APOBEC2: variants seen among roughly 807,000 people sequenced by gnomAD.
APOBEC2 encodes the protein C->U-editing enzyme APOBEC-2.
In APOBEC2, 14 loss-of-function variants were observed where a neutral mutation model predicts 19.4. That is an observed-to-expected ratio of 0.72 (90% CI 0.48 to 1.13). APOBEC2 has a LOEUF of 1.13. Among genes scored for constraint, APOBEC2 ranks in the 50% most tolerant of loss-of-function variants. The pLI is 0.00. For missense variants in APOBEC2, 304 were observed against 277.0 expected, an observed-to-expected ratio of 1.10 and a Z score of -0.69; for synonymous variants, 127 against 112.1, an observed-to-expected ratio of 1.13 and a Z score of -0.84.
In APOBEC2 at chr6:41,061,892, C is replaced by T. The variant is rs749548457; in HGVS notation, c.*21C>T. On this transcript the variant is annotated splice_region_variant and 3_prime_UTR_variant, in exon 2 of 3. Coordinates refer to ENST00000244669, the MANE Select transcript of APOBEC2 (RefSeq NM_006789.4). ...AGTAGGGCAACTGGGCTTTGCCTCA[C>T]GTGAGTTTTCCTGGTGCCATGGCAC... The T allele has an allele frequency of 1.4e-5, 23 of 1,599,680 alleles. No homozygotes were observed. The highest frequency in any genetic ancestry group is 8.9e-5 in the East Asian group (4 of 44,718).
chr6:41,057,995 G>A (rs151278727), intron 1 of APOBEC2, among the ~76,000 whole-genome samples: 1 of 152,288 alleles, frequency 6.6e-6, no homozygotes, highest in African/African-American at 2.4e-5. Context: ...GAGAAAGTAT[G>A]AGGAAATGGT....
At chr6:41,055,307 G>A (rs1479600177) in intron 1 of APOBEC2, among the ~76,000 whole-genome samples, 5 of 152,182 alleles carry the variant, frequency 3.3e-5, no homozygotes, top group Non-Finnish European at 7.4e-5. Flanking sequence ...CACAGAAGGG[G>A]CAACGTTCTG....
Position 41,064,705 on chromosome 6 carries a change from G to C in APOBEC2, c.*626G>C, listed in dbSNP as rs1762937493. The C allele has an allele frequency of 6.6e-6, 1 of 152,164 alleles. No homozygotes were observed. Among genetic ancestry groups the C allele is most frequent in the Non-Finnish European group, 1.5e-5 (1 of 68,042 alleles). 9.4% of individuals were successfully genotyped at this position (152,164 alleles called of 1,614,324 possible). On this transcript the variant is annotated 3_prime_UTR_variant, in exon 3 of 3. Coordinates refer to ENST00000244669, the MANE Select transcript of APOBEC2 (RefSeq NM_006789.4). ...TCAAGTGAGGGCCTTTCCCTTCTCTGAAGGCAAGTAATAGGGCAGAAGGTG... is the reference window on the plus strand; with the variant it reads ...TCAAGTGAGGGCCTTTCCCTTCTCTCAAGGCAAGTAATAGGGCAGAAGGTG...
Position 41,061,409 on chromosome 6 carries a change from C to G in APOBEC2, c.213C>G (p.Cys71Trp), listed in dbSNP as rs1269080486. The G allele has an allele frequency of 6.2e-7, 1 of 1,607,530 alleles. No homozygotes were observed. The highest frequency in any genetic ancestry group is 1.7e-5 in the Admixed American group (1 of 59,260). The stretch of plus-strand genomic sequence containing the variant: ...CCGGGAGGAACAAGACCTTCCTCTG[C>G]TATGTGGTTGAAGCACAGGGCAAGG... The part of the protein sequence containing the change: ...YSSGRNKTFL[C>W]YVVEAQGKGG... The change falls in exon 2 of 3, where the codon TGC becomes TGG. Residue 71 changes from cysteine (C) to tryptophan (W), a missense_variant. By Grantham distance (215) the Cys-to-Trp change is radical. Transcript: ENST00000244669.
Position 41,053,411 on chromosome 6 carries a change from G to C in APOBEC2, c.64G>C (p.Glu22Gln). The C allele has an allele frequency of 6.2e-7, 1 of 1,614,210 alleles. No homozygotes were observed. The highest frequency in any genetic ancestry group is 1.3e-5 in the African/African-American group (1 of 75,072). ...EAASQNGEDL[E>Q]NLDDPEKLKE... ...TGCCTCCCAGAATGGGGAGGATCTG[G>C]AGAACCTGGACGACCCTGAGAAGCT... The change falls in exon 1 of 3, where the codon GAG (glutamate) becomes CAG (glutamine). Residue 22 changes from glutamate to glutamine, a missense_variant. Coordinates refer to ENST00000244669, the MANE Select transcript of APOBEC2 (RefSeq NM_006789.4).
chr6:41,063,435 C>T (rs1013584320), intron 2 of APOBEC2, among the ~76,000 whole-genome samples: 2 of 150,992 alleles, frequency 1.3e-5, no homozygotes, highest in Non-Finnish European at 1.5e-5. Context: ...ATAGATTCTA[C>T]AGACTAACCG....
intron 1 of APOBEC2, among the ~76,000 whole-genome samples, chr6:41,058,224 A>T (rs946116263): frequency 1.4e-5 from 2 of 145,790 alleles, no homozygotes; most frequent in African/African-American, 5.2e-5. Flanking sequence ...GATCAGGGAA[A>T]GAAATCTACT....
Position 41,061,432 on chromosome 6 carries a change from A to AG in APOBEC2, c.242dup (p.Gln82ProfsTer12). ...TGCTATGTGGTTGAAGCACAGGGCA[A>AG]GGGGGGCCAAGTGCAGGCATCTCGG... On this transcript the variant is annotated frameshift_variant, in exon 2 of 3. Transcript: ENST00000244669. LOFTEE classifies it high-confidence loss of function. The AG allele has an allele frequency of 6.2e-7, 1 of 1,612,838 alleles. No individual in the cohort carries two copies. The highest frequency in any genetic ancestry group is 1.3e-5 in the African/African-American group (1 of 75,024).
chr6:41,060,715 G>C (rs1420355512), intron 1 of APOBEC2, among the ~76,000 whole-genome samples: 2 of 152,240 alleles, frequency 1.3e-5, no homozygotes, highest in African/African-American at 4.8e-5. Flanking sequence ...GTAGTCACTT[G>C]AGAAGGAGAG....
At chr6:41,056,379 C>T (rs1201440952) in intron 1 of APOBEC2, among the ~76,000 whole-genome samples, 2 of 152,244 alleles carry the variant, frequency 1.3e-5, no homozygotes, top group East Asian at 3.9e-4. Context: ...CCTCAGCCTC[C>T]CAAAGTGCTG....
At chr6:41,063,135 G>C (rs1762899458) in intron 2 of APOBEC2, among the ~76,000 whole-genome samples, 1 of 152,220 alleles carries the variant, frequency 6.6e-6, no homozygotes, top group African/African-American at 2.4e-5. Context: ...TTTTCTATTA[G>C]ACATGCACAT....
intron 1 of APOBEC2, among the ~76,000 whole-genome samples, chr6:41,058,124 A>G (rs1762818911): frequency 6.8e-6 from 1 of 147,718 alleles, no homozygotes; most frequent in Non-Finnish European, 1.5e-5. Flanking sequence ...CTCTCTCCTG[A>G]CCACCACCCA....
At chr6:41,062,649 A>G (rs1291247238) in intron 2 of APOBEC2, among the ~76,000 whole-genome samples, 2 of 152,258 alleles carry the variant, frequency 1.3e-5, no homozygotes, top group South Asian at 2.1e-4. Context: ...TAAAGTAGGC[A>G]GCAGCTCAGA....
rs904125507 is a variant in APOBEC2, at chr6:41,053,291, C to T, written c.-57C>T. On this transcript the variant is annotated 5_prime_UTR_variant, in exon 1 of 3. Coordinates refer to ENST00000244669, the MANE Select transcript of APOBEC2 (RefSeq NM_006789.4). ...TTGGGACTCTGCCGCCAGGGCCTGG[C>T]CCAGACCTGCCTGCCTCTCTCCTCT... 17 of 1,588,300 alleles carry T rather than the reference C, an allele frequency of 1.1e-5. No homozygotes were observed. The highest frequency in any genetic ancestry group is 1.4e-5 in the Non-Finnish European group (16 of 1,169,744).
rs1762879023 is a variant in APOBEC2 at position 41,061,673 on chromosome 6, G to A, written c.477G>A (p.Glu159=). 1.2e-6 allele frequency: 2 copies of A among 1,614,122 alleles called. No individual in the cohort carries two copies. The highest frequency in any genetic ancestry group is 1.7e-5 in the Admixed American group (1 of 60,006). ...TGGGTCGACTCTTCATGTGGGAGGA[G>A]CCGGAGATCCAGGCTGCTCTGAAGA... The part of the protein sequence containing the change: ...ILVGRLFMWE[E]PEIQAALKKL... Residue 159 remains glutamate (E), a synonymous_variant, in exon 2 of 3, where the codon GAG becomes GAA. Transcript: ENST00000244669.
intron 1 of APOBEC2, among the ~76,000 whole-genome samples, chr6:41,056,382 A>C (rs1322174352): frequency 1.3e-5 from 2 of 152,338 alleles, no homozygotes; most frequent in East Asian, 3.9e-4. Context: ...CAGCCTCCCA[A>C]AGTGCTGGGA....
At position 41,053,365 on chromosome 6, in the gene APOBEC2, G is replaced by C; in HGVS notation, c.18G>C (p.Glu6Asp). 1.9e-6 allele frequency: 3 copies of C among 1,613,700 alleles called. No homozygotes were observed. The highest frequency in any genetic ancestry group is 2.5e-6 in the Non-Finnish European group (3 of 1,180,004). ...GCCCCTCCATGGCCCAGAAGGAAGA[G>C]GCTGCTGTGGCCACTGAGGCTGCCT... Reference protein sequence around the residue: MAQKEEAAVATEAASQ... With the variant: MAQKEDAAVATEAASQ... The change falls in exon 1 of 3, where the codon GAG becomes GAC. Residue 6 changes from glutamate (E) to aspartate (D), a missense_variant. Physicochemically the swap from Glu to Asp is conservative, Grantham distance 45. Coordinates refer to ENST00000244669, the MANE Select transcript of APOBEC2 (RefSeq NM_006789.4).
At chr6:41,058,388 A>C (rs1438775858) in intron 1 of APOBEC2, among the ~76,000 whole-genome samples, 81 of 103,352 alleles carry the variant, frequency 7.8e-4, no homozygotes, top group South Asian at 2.0e-3. Flanking sequence ...CCACCCACCA[A>C]CACCACCCCA....
chr6:41,064,061 G>A lies in APOBEC2; in HGVS notation c.*22-40G>A, dbSNP rs1461117898. The stretch of plus-strand genomic sequence containing the variant: ...AACTAGTCATTGTTCGGGGCCAGCA[G>A]AGCTCTCAGTAACACATTTTCTTTG... On this transcript the variant is annotated intron_variant, in intron 2 of 2. Coordinates refer to ENST00000244669, the MANE Select transcript of APOBEC2 (RefSeq NM_006789.4). 2.0e-5 allele frequency: 3 copies of A among 152,650 alleles called. No homozygotes were observed. The East Asian group carries it at 5.8e-4, about 30-fold the overall frequency. The allele number at this position is 152,650 out of a possible 1,614,324, so 9.5% of individuals were successfully genotyped here. A position where few individuals can be genotyped will look rare whatever the true frequency, so the allele number is the denominator to read the frequency against.
Sources: gnomAD v4.1 joint callset for allele counts (sites outside exome capture counted in the v4.1 genomes callset) on GRCh38, gnomAD v4.1.1 for gene constraint, MANE v1.5 for transcripts, NCBI Gene and HGNC (gene_info 2026-07-23, HGNC 2026-07-21) for gene names.